The following NOS1AP variants were observed in gnomAD, a reference collection of about 807,000 sequenced individuals.
The protein encoded by NOS1AP is nitric oxide synthase 1 adaptor protein.
Under a neutral mutation model 56.2 loss-of-function variants are expected in NOS1AP, and 21 were observed. The ratio of observed to expected loss-of-function variants is 0.37; its 90% CI spans 0.26 to 0.54. NOS1AP has a LOEUF of 0.54. Ranked by LOEUF, NOS1AP falls within the 20% of genes least tolerant of loss-of-function variation. NOS1AP has a pLI of 0.84. For missense variants in NOS1AP, 522 were observed against 657.8 expected (o/e 0.79, Z 2.26); for synonymous variants, 270 against 274.6 (o/e 0.98, Z 0.17).
At chr1:162,095,324 C>CT (rs1474813064) in intron 1 of NOS1AP, among the ~76,000 whole-genome samples, 1 of 152,148 alleles carries the variant, frequency 6.6e-6, no homozygotes, top group African/African-American at 2.4e-5. Flanking sequence ...ATCTCTCTTG[C>CT]TGCCCTGTGA....
At chr1:162,354,690 T>C (rs952250773) in intron 6 of NOS1AP, among the ~76,000 whole-genome samples, 7 of 152,226 alleles carry the variant, frequency 4.6e-5, no homozygotes, top group African/African-American at 1.7e-4. Context: ...GCCTTATTCC[T>C]CAGTCATGGA....
intron 2 of NOS1AP, among the ~76,000 whole-genome samples, chr1:162,155,375 G>A (rs1219653294): frequency 5.5e-5 from 2 of 36,216 alleles, no homozygotes; most frequent in East Asian, 8.4e-4. Context: ...TATATATAGA[G>A]AGAGAGCTTA....
intron 2 of NOS1AP, among the ~76,000 whole-genome samples, chr1:162,261,498 G>GA (rs1456556234): frequency 0.4 from 522 of 1,316 alleles, 191 homozygotes; most frequent in Middle Eastern, 1. Context: ...GAGAGAGAGA[G>GA]AGAGAGAGAG....
chr1:162,260,251 C>A (rs1654164246), intron 2 of NOS1AP, among the ~76,000 whole-genome samples: 1 of 152,098 alleles, frequency 6.6e-6, no homozygotes, highest in African/African-American at 2.4e-5. Context: ...GTTTGTGAAG[C>A]CATGTGTATG....
chr1:162,230,539 T>G lies in NOS1AP; in HGVS notation c.178-56805T>G, dbSNP rs1291797804. On this transcript the variant is annotated intron_variant, in intron 2 of 9. Coordinates refer to ENST00000361897, the MANE Select transcript of NOS1AP (RefSeq NM_014697.3). ...ATTTGGGTAAGATATAACATAAAAT[T>G]TACCATCTTCACCATTTTTCAAGGT... is the stretch of plus-strand genomic sequence containing the variant. Among the ~76,000 whole-genome samples the G allele has an allele frequency of 3.3e-5, 5 of 152,148 alleles. 1 individual carries two copies. Among genetic ancestry groups the G allele is most frequent in the Admixed American group, 2.6e-4 (4 of 15,276 alleles).
chr1:162,359,727 G>GA (rs200129683), intron 8 of NOS1AP, among the ~76,000 whole-genome samples: 5 of 151,932 alleles, frequency 3.3e-5, no homozygotes. Context: ...CGCGGGGGGG[G>GA]GCTGATTTCA....
chr1:162,191,127 G>A (rs1483244357), intron 2 of NOS1AP, among the ~76,000 whole-genome samples: 1 of 152,166 alleles, frequency 6.6e-6, no homozygotes, highest in East Asian at 1.9e-4. Flanking sequence ...CCCATGGCTA[G>A]ACTTGCCCGT....
At chr1:162,196,662 A>G (rs1311928375) in intron 2 of NOS1AP, among the ~76,000 whole-genome samples, 2 of 152,240 alleles carry the variant, frequency 1.3e-5, no homozygotes, top group Non-Finnish European at 2.9e-5. Context: ...ATGCTGGATG[A>G]GCTTCCCATT....
At chr1:162,331,220 C>G (rs1196519553) in intron 4 of NOS1AP, among the ~76,000 whole-genome samples, 1 of 152,080 alleles carries the variant, frequency 6.6e-6, no homozygotes, top group Non-Finnish European at 1.5e-5. Flanking sequence ...ATTTCAGAAC[C>G]ATTTAGAGAT....
chr1:162,070,654 G>A (rs1488319213), intron 1 of NOS1AP, among the ~76,000 whole-genome samples: 3 of 152,198 alleles, frequency 2.0e-5, no homozygotes, highest in Non-Finnish European at 4.4e-5. Context: ...AAGCTCTGGT[G>A]TTATTTACCT....
chr1:162,219,264 C>A (rs1202596056), intron 2 of NOS1AP, among the ~76,000 whole-genome samples: 1 of 152,168 alleles, frequency 6.6e-6, no homozygotes, highest in African/African-American at 2.4e-5. Context: ...TGGCTCATGG[C>A]AAGTGCTTAG....
At chr1:162,255,681 G>A (rs2101698665) in intron 2 of NOS1AP, among the ~76,000 whole-genome samples, 1 of 152,008 alleles carries the variant, frequency 6.6e-6, no homozygotes, top group Non-Finnish European at 1.5e-5. Context: ...AGGTCAAATG[G>A]ATCCTTTAAA....
intron 2 of NOS1AP, among the ~76,000 whole-genome samples, chr1:162,264,465 C>CTTCTCTT (rs1189328918): frequency 0.021 from 608 of 29,564 alleles, 52 homozygotes; most frequent in South Asian, 0.042. Context: ...CTTCTCTTCT[C>CTTCTCTT]CTCCCCTCCC....
Position 162,367,095 on chromosome 1 carries a change from A to C in NOS1AP, c.1149A>C (p.Gly383=). Reference sequence around the variant, plus strand: ...TGCTGGAGATCACCTTCCGCTCCGGAGCCCTGCCCGTGCTCTGTGACCCCA... The same window carrying C: ...TGCTGGAGATCACCTTCCGCTCCGGCGCCCTGCCCGTGCTCTGTGACCCCA... The part of the protein sequence containing the change: ...DSLLEITFRS[G]ALPVLCDPTT... Residue 383 remains glycine, a synonymous_variant, in exon 10 of 10, where the codon GGA becomes GGC. Coordinates refer to ENST00000361897, the MANE Select transcript of NOS1AP (RefSeq NM_014697.3). This position sits in a 1 kb window ranked among gnomAD's most constrained non-coding sequence, Gnocchi z 6.5. The C allele has an allele frequency of 6.2e-7, 1 of 1,613,930 alleles. No individual in the cohort carries two copies. The highest frequency in any genetic ancestry group is 8.5e-7 in the Non-Finnish European group (1 of 1,180,008).
intron 4 of NOS1AP, among the ~76,000 whole-genome samples, chr1:162,324,568 GAA>G (rs1656524709): frequency 6.6e-6 from 1 of 152,052 alleles, no homozygotes; most frequent in East Asian, 1.9e-4. Context: ...TGGGACATAA[GAA>G]AAAACTTAAC....
intron 2 of NOS1AP, among the ~76,000 whole-genome samples, chr1:162,236,996 C>T (rs1265849540): frequency 6.6e-6 from 1 of 152,308 alleles, no homozygotes; most frequent in African/African-American, 2.4e-5. Context: ...AAACACAATA[C>T]GTGTATGTTT....
chr1:162,315,323 T>C (rs150982434), intron 4 of NOS1AP, among the ~76,000 whole-genome samples: 82 of 152,334 alleles, frequency 5.4e-4, no homozygotes, highest in African/African-American at 1.9e-3. Flanking sequence ...AGTAGGACCG[T>C]GTTGTAGCTT....
At position 162,186,428 on chromosome 1, in the gene NOS1AP, C is replaced by A. The variant is rs563586538; in HGVS notation, c.177+31952C>A. Among the ~76,000 whole-genome samples the A allele has an allele frequency of 1.3e-3, 194 of 151,132 alleles. 1 individual carries two copies. The highest frequency in any genetic ancestry group is 3.9e-3 in the Admixed American group (59 of 15,196). The stretch of plus-strand genomic sequence containing the variant: ...CAAAACAAAACAAAACAAAAAAAAA[C>A]AAAAAAACCCCAGCTCTCTCCCACT... On this transcript the variant is annotated intron_variant, in intron 2 of 9. Transcript: ENST00000361897.
intron 2 of NOS1AP, among the ~76,000 whole-genome samples, chr1:162,247,391 A>G (rs1192541413): frequency 6.6e-6 from 1 of 152,152 alleles, no homozygotes; most frequent in East Asian, 1.9e-4. Flanking sequence ...TCTCTGCCAT[A>G]TCCGGTAGCA....
Sources: gnomAD v4.1 joint callset for allele counts (sites outside exome capture counted in the v4.1 genomes callset) on GRCh38, gnomAD v4.1.1 for gene constraint, Gnocchi (gnomAD v3.1) non-coding constraint, MANE v1.5 for transcripts, NCBI Gene and HGNC (gene_info 2026-07-23, HGNC 2026-07-21) for gene names.